ALDH1L2: variants seen among roughly 807,000 people sequenced by gnomAD.
ALDH1L2 encodes aldehyde dehydrogenase 1 family member L2.
In ALDH1L2, 91 loss-of-function variants were observed where a neutral mutation model predicts 111.0. The ratio of observed to expected loss-of-function variants is 0.82; its 90% CI spans 0.69 to 0.98. ALDH1L2 has a LOEUF of 0.98. Ranked by LOEUF, ALDH1L2 falls within the 50% of genes least tolerant of loss-of-function variation. The probability of loss-of-function intolerance (pLI) is 0.00; values close to 1 mark genes in which losing one functional copy is unlikely to be tolerated. For missense variants in ALDH1L2, 995 were observed against 1,126.8 expected, an observed-to-expected ratio of 0.88 and a Z score of 1.67; for synonymous variants, 374 against 392.6, an observed-to-expected ratio of 0.95 and a Z score of 0.56.
At chr12:105,048,898 G>T (rs570320673) in intron 13 of ALDH1L2, among the ~76,000 whole-genome samples, 3 of 151,922 alleles carry the variant, frequency 2.0e-5, no homozygotes, top group African/African-American at 7.3e-5. Flanking sequence ...AGGCGTGGTG[G>T]TGCACACCTG....
chr12:105,032,858 A>G (rs1349032314), intron 19 of ALDH1L2, among the ~76,000 whole-genome samples: 1 of 152,114 alleles, frequency 6.6e-6, no homozygotes, highest in Non-Finnish European at 1.5e-5. Context: ...TTCCTCCTCA[A>G]ATGTGGCAGA....
At position 105,021,453 on chromosome 12, in the gene ALDH1L2, A is replaced by G. The variant is rs1874155023; in HGVS notation, c.*2971T>C. On this transcript the variant is annotated 3_prime_UTR_variant, in exon 23 of 23. Coordinates refer to ENST00000258494, the MANE Select transcript of ALDH1L2 (RefSeq NM_001034173.4). Reference sequence around the variant, plus strand: ...TCTCTACTTAGCCAGGTGTAGTGGCACACACCTGTAATCCCAGCTACTTGG... The same window carrying G: ...TCTCTACTTAGCCAGGTGTAGTGGCGCACACCTGTAATCCCAGCTACTTGG... 6.6e-6 allele frequency: 1 copy of G among 152,188 alleles called. No individual in the cohort carries two copies. The highest frequency in any genetic ancestry group is 2.1e-4 in the South Asian group (1 of 4,824). The allele number at this position is 152,188 out of a possible 1,614,324, so 9.4% of individuals were successfully genotyped here.
chr12:105,050,734 G>T, intron 12 of ALDH1L2: 1 of 449,208 alleles, frequency 2.2e-6, no homozygotes, highest in South Asian at 1.6e-5. Flanking sequence ...ACCTGAGACT[G>T]GGTAATTTAT....
At chr12:105,059,668 A>G (rs991580858) in intron 9 of ALDH1L2, among the ~76,000 whole-genome samples, 3 of 152,224 alleles carry the variant, frequency 2.0e-5, no homozygotes, top group African/African-American at 4.8e-5. Flanking sequence ...ACCTCCATGA[A>G]TAAAGGGGAC....
At chr12:105,080,539 A>C (rs1246362079) in intron 1 of ALDH1L2, among the ~76,000 whole-genome samples, 1 of 152,148 alleles carries the variant, frequency 6.6e-6, no homozygotes, top group Non-Finnish European at 1.5e-5. Context: ...GGGTTATGAG[A>C]GTCTGAAAAA....
chr12:105,036,514 T>TATATC (rs1875128659), intron 18 of ALDH1L2, among the ~76,000 whole-genome samples: 1 of 23,652 alleles, frequency 4.2e-5, no homozygotes, highest in Non-Finnish European at 9.0e-5. Context: ...TATATATATT[T>TATATC]TATATATATA....
In ALDH1L2 at chr12:105,041,430, C is replaced by G. The variant is rs1211607406; in HGVS notation, c.1864-736G>C. Among the ~76,000 whole-genome samples the G allele has an allele frequency of 3.3e-5, 5 of 152,296 alleles. No homozygotes were observed. The East Asian group carries it at 9.6e-4, about 29-fold the overall frequency. ...GCTTTTCTCAGGACATCAGGAGGCA[C>G]GTGCTGTAGAATAGTTCCAATACTG... is the stretch of plus-strand genomic sequence containing the variant. On this transcript the variant is annotated intron_variant, in intron 15 of 22. Coordinates refer to ENST00000258494, the MANE Select transcript of ALDH1L2 (RefSeq NM_001034173.4).
chr12:105,075,114 G>A (rs992927577), intron 1 of ALDH1L2, among the ~76,000 whole-genome samples: 1 of 152,104 alleles, frequency 6.6e-6, no homozygotes, highest in East Asian at 1.9e-4. Context: ...CAAAAATTTT[G>A]GCTTTACCAC....
At chr12:105,040,786 TCA>T in intron 15 of ALDH1L2, 92 bp from the exon 16 acceptor site, 3 of 997,692 alleles carry the variant, frequency 3.0e-6, no homozygotes, top group Non-Finnish European at 4.7e-6. Context: ...GCACTAGATC[TCA>T]TTTTATTTTT....
intron 9 of ALDH1L2, 80 bp downstream of exon 9, chr12:105,060,901 G>T: frequency 8.4e-7 from 1 of 1,183,596 alleles, no homozygotes; most frequent in East Asian, 2.6e-5. Context: ...CAAAGGATGT[G>T]TGTGGATTTC....
intron 20 of ALDH1L2, 95 bp from the exon 21 acceptor site, chr12:105,030,524 C>A: frequency 9.8e-7 from 1 of 1,019,784 alleles, no homozygotes; most frequent in Non-Finnish European, 1.4e-6. Flanking sequence ...TTTTTTCTTT[C>A]CCTCTGGCCC....
At chr12:105,080,816 T>A (rs1410116260) in intron 1 of ALDH1L2, among the ~76,000 whole-genome samples, 2 of 152,202 alleles carry the variant, frequency 1.3e-5, no homozygotes, top group Non-Finnish European at 2.9e-5. Context: ...ATTTCAAATG[T>A]TCAGATTTGG....
At position 105,039,719 on chromosome 12, in the gene ALDH1L2, A is replaced by G. The variant is rs1875403522; in HGVS notation, c.2039T>C (p.Met680Thr). Residue 680 changes from methionine (M) to threonine (T), a missense_variant, in exon 17 of 23, where the codon ATG becomes ACG. Coordinates refer to ENST00000258494, the MANE Select transcript of ALDH1L2 (RefSeq NM_001034173.4). Reference sequence around the variant, plus strand: ...AACATTTTAAAACCAATACCTCTTCATGATCTGTTTGCCAATAGGAGTGGA... The same window carrying G: ...AACATTTTAAAACCAATACCTCTTCGTGATCTGTTTGCCAATAGGAGTGGA... The part of the protein sequence containing the change: ...TGSTPIGKQI[M>T]KSCAVSNLKK... The G allele has an allele frequency of 1.2e-6, 2 of 1,613,638 alleles. No individual in the cohort carries two copies. The highest frequency in any genetic ancestry group is 1.7e-5 in the Admixed American group (1 of 60,020).
At position 105,034,325 on chromosome 12, in the gene ALDH1L2, A is replaced by G. The variant is rs1874862434; in HGVS notation, c.2219T>C (p.Ile740Thr). ...AAGRLFVEESIHDEFVTRVVE... is the reference protein window; with the variant it reads ...AAGRLFVEESTHDEFVTRVVE... ...CACTCTTGTCACAAATTCGTCGTGG[A>G]TGGATTCTTCCACGAACAACCGCCC... The change falls in exon 19 of 23, where the codon ATC (isoleucine) becomes ACC (threonine). Residue 740 changes from isoleucine (I) to threonine (T), a missense_variant. Transcript: ENST00000258494. 6.2e-7 allele frequency: 1 copy of G among 1,614,080 alleles called. No individual in the cohort carries two copies. The highest frequency in any genetic ancestry group is 2.2e-5 in the East Asian group (1 of 44,870).
At position 105,046,893 on chromosome 12, in the gene ALDH1L2, T is replaced by C. The variant is rs1308431928; in HGVS notation, c.1757+6A>G. The stretch of plus-strand genomic sequence containing the variant: ...GATTCACTCAGAGGCACTCTCCTTA[T>C]CTTACCCGAGTGGCTCTTTCTTGGT... On this transcript the variant is annotated splice_donor_region_variant and intron_variant, in intron 14 of 22. Coordinates refer to ENST00000258494, the MANE Select transcript of ALDH1L2 (RefSeq NM_001034173.4). 6.2e-7 allele frequency: 1 copy of C among 1,614,030 alleles called. No individual in the cohort carries two copies. The highest frequency in any genetic ancestry group is 8.5e-7 in the Non-Finnish European group (1 of 1,179,900).
chr12:105,081,206 A>C (rs1393762340), intron 1 of ALDH1L2, among the ~76,000 whole-genome samples: 4 of 152,244 alleles, frequency 2.6e-5, no homozygotes, highest in African/African-American at 9.6e-5. Context: ...ACAAGGGACA[A>C]CAAGGGACAA....
At chr12:105,083,403 C>A (rs1351423134) in intron 1 of ALDH1L2, among the ~76,000 whole-genome samples, 4 of 141,492 alleles carry the variant, frequency 2.8e-5, no homozygotes, top group East Asian at 4.3e-4. Flanking sequence ...AAAACGAATT[C>A]TTATTATTTG....
intron 21 of ALDH1L2, among the ~76,000 whole-genome samples, chr12:105,029,332 C>G (rs1874583240): frequency 1.3e-5 from 2 of 152,164 alleles, no homozygotes; most frequent in Non-Finnish European, 2.9e-5. Context: ...GGTTAAGTAA[C>G]TGGCCCAAGC....
At chr12:105,032,353 C>T (rs1592764752) in intron 19 of ALDH1L2, among the ~76,000 whole-genome samples, 1 of 151,822 alleles carries the variant, frequency 6.6e-6, no homozygotes, top group Non-Finnish European at 1.5e-5. Context: ...ATTCTCATGT[C>T]TTAGCCTCCC....
Sources: gnomAD v4.1 joint callset for allele counts (sites outside exome capture counted in the v4.1 genomes callset) on GRCh38, gnomAD v4.1.1 for gene constraint, MANE v1.5 for transcripts, NCBI Gene and HGNC (gene_info 2026-07-23, HGNC 2026-07-21) for gene names.